Variants in UBE2G1 observed in about 807,000 individuals in gnomAD.
UBE2G1 encodes the protein ubiquitin conjugating enzyme E2 G1.
In UBE2G1, 5 loss-of-function variants were observed where a neutral mutation model predicts 22.7. The ratio of observed to expected loss-of-function variants is 0.22; its 90% confidence interval spans 0.12 to 0.46. The LOEUF (loss-of-function observed/expected upper bound fraction) is 0.46. Among genes scored for constraint, UBE2G1 ranks in the 20% least tolerant of loss-of-function variants. The pLI is 0.99. For missense variants in UBE2G1, 88 were observed against 203.9 expected (o/e 0.43, Z 3.46); for synonymous variants, 74 against 67.5 (o/e 1.10, Z -0.47).
chr17:4,308,353 C>CA (rs1266062912), intron 1 of UBE2G1, among the ~76,000 whole-genome samples: 2 of 150,964 alleles, frequency 1.3e-5, no homozygotes, highest in Non-Finnish European at 3.0e-5. Context: ...AACTCTGTCT[C>CA]AAAAAATATA....
rs1968766595 is a variant in UBE2G1 at position 4,272,038 on chromosome 17, GAA to G, written c.*514_*515del. Reference sequence around the variant, plus strand: ...AAGAAGATACAAAAGTTTAGTAAGTGAAAAGAGTTTAATGAAGCCTCAAGGGT... The same window carrying G: ...AAGAAGATACAAAAGTTTAGTAAGTGAAGAGTTTAATGAAGCCTCAAGGGT... On this transcript the variant is annotated 3_prime_UTR_variant, in exon 6 of 6. Transcript: ENST00000396981. 6.6e-6 allele frequency: 1 copy of G among 152,542 alleles called. No homozygotes were observed. The highest frequency in any genetic ancestry group is 1.5e-5 in the Non-Finnish European group (1 of 68,046). 9.4% of individuals were successfully genotyped at this position (152,542 alleles called of 1,614,324 possible).
chr17:4,348,049 T>C (rs34464833), intron 1 of UBE2G1, among the ~76,000 whole-genome samples: 6,482 of 152,260 alleles, frequency 0.043, 202 homozygotes, highest in Non-Finnish European at 0.068. Context: ...TGGTCTCACT[T>C]TAAATCAAAC....
At chr17:4,301,414 G>T in intron 2 of UBE2G1, 2 of 646,748 alleles carry the variant, frequency 3.1e-6, no homozygotes, top group South Asian at 2.8e-5. Context: ...ACCTGGCTAT[G>T]ACTTTTGATG....
At chr17:4,292,659 T>C (rs1439329759) in intron 3 of UBE2G1, among the ~76,000 whole-genome samples, 1 of 152,258 alleles carries the variant, frequency 6.6e-6, no homozygotes, top group East Asian at 1.9e-4. Flanking sequence ...CCCTGGCATC[T>C]GTGGTACTCT....
chr17:4,308,160 A>C (rs4790608), intron 1 of UBE2G1, among the ~76,000 whole-genome samples: 144,890 of 152,118 alleles, frequency 0.95, 69,437 homozygotes, highest in East Asian at 1. Context: ...TTGAGACCAG[A>C]CTGACCAACA....
chr17:4,333,435 G>A (rs1969605805), intron 1 of UBE2G1, among the ~76,000 whole-genome samples: 1 of 152,136 alleles, frequency 6.6e-6, no homozygotes, highest in East Asian at 1.9e-4. Flanking sequence ...CCAGCACTTG[G>A]GAGGTCGAGG....
chr17:4,310,452 A>G (rs1169888489), intron 1 of UBE2G1, among the ~76,000 whole-genome samples: 1 of 152,232 alleles, frequency 6.6e-6, no homozygotes, highest in Non-Finnish European at 1.5e-5. Context: ...AGGGAATTCA[A>G]GGTTTAGAAT....
chr17:4,366,043 C>A (rs1385518501), intron 1 of UBE2G1, among the ~76,000 whole-genome samples: 1 of 152,096 alleles, frequency 6.6e-6, no homozygotes, highest in Non-Finnish European at 1.5e-5. Context: ...CCCCGGGCGC[C>A]AGGCCCAGTC....
intron 1 of UBE2G1, among the ~76,000 whole-genome samples, chr17:4,309,235 G>C (rs1466602976): frequency 6.6e-6 from 1 of 152,146 alleles, no homozygotes; most frequent in African/African-American, 2.4e-5. Context: ...TTCCAGCCTG[G>C]GTGACAATGC....
chr17:4,280,332 T>A (rs1257853071), intron 5 of UBE2G1, among the ~76,000 whole-genome samples: 1 of 118,742 alleles, frequency 8.4e-6, no homozygotes, highest in Admixed American at 1.0e-4. Flanking sequence ...CCGCGGCACC[T>A]GGGCTTTTTT....
intron 1 of UBE2G1, among the ~76,000 whole-genome samples, chr17:4,319,353 T>A (rs1306558660): frequency 6.6e-6 from 1 of 152,186 alleles, no homozygotes; most frequent in South Asian, 2.1e-4. Context: ...CCAACCAGGT[T>A]AGCCTCAGAT....
rs571124665 is a variant in UBE2G1, at chr17:4,320,013, C to G, written c.47-12890G>C. Among the ~76,000 whole-genome samples, 8 of 150,368 alleles carry G rather than the reference C, an allele frequency of 5.3e-5. No homozygotes were observed. In the South Asian group the frequency reaches 1.7e-3, roughly 32 times the overall value. ...TATGCTGTCATTGCCAAGTGGCACA[C>G]GTGTGTGTGTGTGTGTATTATTTTC... On this transcript the variant is annotated intron_variant, in intron 1 of 5. Coordinates refer to ENST00000396981, the MANE Select transcript of UBE2G1 (RefSeq NM_003342.5).
At chr17:4,306,282 G>A (rs1353365367) in intron 2 of UBE2G1, among the ~76,000 whole-genome samples, 3 of 152,092 alleles carry the variant, frequency 2.0e-5, no homozygotes, top group Non-Finnish European at 4.4e-5. Context: ...TCTGCCTCCT[G>A]AGTTCAAGTG....
At chr17:4,308,419 G>T (rs187836706) in intron 1 of UBE2G1, among the ~76,000 whole-genome samples, 3 of 152,010 alleles carry the variant, frequency 2.0e-5, no homozygotes, top group Non-Finnish European at 2.9e-5. Context: ...CAGTTACTCA[G>T]AAGGCTAAGG....
chr17:4,300,379 C>A (rs947381170), intron 2 of UBE2G1, among the ~76,000 whole-genome samples: 1 of 151,424 alleles, frequency 6.6e-6, no homozygotes, highest in African/African-American at 2.4e-5. Flanking sequence ...GCCGTCTCTA[C>A]TAAAAATGCA....
intron 3 of UBE2G1, among the ~76,000 whole-genome samples, chr17:4,295,929 G>A (rs1239762441): frequency 6.8e-6 from 1 of 146,870 alleles, no homozygotes; most frequent in East Asian, 2.0e-4. Context: ...TACGTGCACA[G>A]CCATACTAGA....
chr17:4,329,963 A>G (rs1428109083), intron 1 of UBE2G1, among the ~76,000 whole-genome samples: 2 of 152,216 alleles, frequency 1.3e-5, no homozygotes, highest in Admixed American at 1.3e-4. Flanking sequence ...ACAATTCATG[A>G]CTCACCAGGA....
intron 2 of UBE2G1, chr17:4,302,396 A>G (rs975865433): frequency 6.0e-6 from 3 of 499,628 alleles, no homozygotes; most frequent in Non-Finnish European, 1.2e-5. Flanking sequence ...GGAATCTCCT[A>G]TTCATCGCTT....
rs1567993645 is a variant in UBE2G1, at chr17:4,269,319, TTACAA to T, written c.*3230_*3234del. 6.6e-6 allele frequency: 1 copy of T among 152,460 alleles called. No individual in the cohort carries two copies. 9.4% of individuals were successfully genotyped at this position (152,460 alleles called of 1,614,324 possible). ...GCACTCATCACATGAATGAGGTGCT[TTACAA>T]TACAGTAAACATCACAACAGAACTC... On this transcript the variant is annotated 3_prime_UTR_variant, in exon 6 of 6. Transcript: ENST00000396981.
Sources: gnomAD v4.1 joint callset for allele counts (sites outside exome capture counted in the v4.1 genomes callset) on GRCh38, gnomAD v4.1.1 for gene constraint, MANE v1.5 for transcripts, NCBI Gene and HGNC (gene_info 2026-07-23, HGNC 2026-07-21) for gene names.